The following TSPAN5 variants were observed in gnomAD, a reference collection of about 807,000 sequenced individuals.
TSPAN5 encodes tetraspanin 5.
Under a neutral mutation model 37.1 loss-of-function variants are expected in TSPAN5, and 10 were observed. The observed-to-expected ratio is 0.27, with a 90% CI of 0.17 to 0.46. The LOEUF (loss-of-function observed/expected upper bound fraction) is 0.46. Ranked by LOEUF, TSPAN5 falls within the 20% of genes least tolerant of loss-of-function variation. The pLI, the probability that TSPAN5 is intolerant of heterozygous loss-of-function variation, is 1.00. For synonymous variants in TSPAN5, 110 were observed against 118.9 expected, an observed-to-expected ratio of 0.93 and a Z score of 0.48; for missense variants, 195 against 326.6, an observed-to-expected ratio of 0.60 and a Z score of 3.11.
chr4:98,555,708 G>A (rs1417541478), intron 1 of TSPAN5, among the ~76,000 whole-genome samples: 2 of 152,122 alleles, frequency 1.3e-5, no homozygotes, highest in Admixed American at 6.5e-5. Flanking sequence ...ATAGAAATAA[G>A]TAAACAAGTA....
chr4:98,622,366 T>G (rs963629369), intron 1 of TSPAN5, among the ~76,000 whole-genome samples: 2 of 152,224 alleles, frequency 1.3e-5, no homozygotes, highest in South Asian at 2.1e-4. Flanking sequence ...CATAAACCAC[T>G]GCATCCAGCC....
In TSPAN5 at chr4:98,523,333, A is replaced by G. The variant is rs549276298; in HGVS notation, c.82-15605T>C. Among the ~76,000 whole-genome samples, 3 of 152,394 alleles carry G rather than the reference A, an allele frequency of 2.0e-5. No individual in the cohort carries two copies. The South Asian group carries it at 6.2e-4, about 32-fold the overall frequency. On this transcript the variant is annotated intron_variant, in intron 1 of 7. Transcript: ENST00000305798. Reference sequence around the variant, plus strand: ...GTTCTCTGAATAAAAGTGGCATGACATTAAAGTGAGTTGAAGATATAAAAG... The same window carrying G: ...GTTCTCTGAATAAAAGTGGCATGACGTTAAAGTGAGTTGAAGATATAAAAG...
intron 1 of TSPAN5, among the ~76,000 whole-genome samples, chr4:98,551,726 TC>T (rs1754623156): frequency 6.6e-6 from 1 of 150,446 alleles, no homozygotes; most frequent in African/African-American, 2.5e-5. Context: ...AGTCTCGATC[TC>T]CTGACCTCGT....
At chr4:98,607,328 A>G (rs938727273) in intron 1 of TSPAN5, among the ~76,000 whole-genome samples, 3 of 152,188 alleles carry the variant, frequency 2.0e-5, no homozygotes, top group Non-Finnish European at 4.4e-5. Context: ...AGCAATCACA[A>G]GAGAGGCATT....
intron 2 of TSPAN5, among the ~76,000 whole-genome samples, chr4:98,491,127 T>C (rs1441264530): frequency 1.3e-5 from 2 of 152,164 alleles, no homozygotes; most frequent in Admixed American, 6.5e-5. Flanking sequence ...ATATAAATAG[T>C]GGAATGACTA....
At chr4:98,518,631 A>G (rs1391707775) in intron 1 of TSPAN5, among the ~76,000 whole-genome samples, 1 of 152,232 alleles carries the variant, frequency 6.6e-6, no homozygotes, top group Non-Finnish European at 1.5e-5. Context: ...CTGAAACAGC[A>G]TCTCCCTTCA....
intron 1 of TSPAN5, among the ~76,000 whole-genome samples, chr4:98,558,465 G>A (rs769217658): frequency 1.1e-4 from 17 of 152,172 alleles, no homozygotes; most frequent in Admixed American, 3.9e-4. Flanking sequence ...AAGTTGCAGC[G>A]AAGGGAGGGT....
intron 1 of TSPAN5, among the ~76,000 whole-genome samples, chr4:98,549,746 CTTG>C (rs1344998054): frequency 6.6e-6 from 1 of 151,498 alleles, no homozygotes; most frequent in Admixed American, 6.6e-5. Flanking sequence ...GGGTTTTTTT[CTTG>C]TTAAGTTGTT....
intron 1 of TSPAN5, among the ~76,000 whole-genome samples, chr4:98,514,068 T>C (rs1309467268): frequency 6.6e-6 from 1 of 152,068 alleles, no homozygotes; most frequent in African/African-American, 2.4e-5. Flanking sequence ...AAAGATCAAG[T>C]CAATCTTCTT....
chr4:98,615,320 A>C (rs911215102), intron 1 of TSPAN5, among the ~76,000 whole-genome samples: 10 of 152,126 alleles, frequency 6.6e-5, no homozygotes, highest in Non-Finnish European at 1.2e-4. Flanking sequence ...GGACAATGAC[A>C]ATACAGTACT....
chr4:98,653,315 A>G (rs1757230399), intron 1 of TSPAN5, among the ~76,000 whole-genome samples: 1 of 151,434 alleles, frequency 6.6e-6, no homozygotes, highest in Admixed American at 6.6e-5. Context: ...AGCCCTGTGG[A>G]AGCAAATTAG....
chr4:98,561,933 C>T (rs1299644139), intron 1 of TSPAN5, among the ~76,000 whole-genome samples: 1 of 152,188 alleles, frequency 6.6e-6, no homozygotes, highest in Non-Finnish European at 1.5e-5. Flanking sequence ...GGAAGATTAG[C>T]TGTGGGCAGG....
intron 1 of TSPAN5, among the ~76,000 whole-genome samples, chr4:98,656,145 A>C (rs1004413630): frequency 6.6e-6 from 1 of 152,090 alleles, no homozygotes; most frequent in Admixed American, 6.5e-5. Flanking sequence ...CCAAGCAAGC[A>C]CTCTGCAATT....
rs1485597053 is a variant in TSPAN5, at chr4:98,470,799, G to A, written c.*1723C>T. The A allele has an allele frequency of 6.6e-6, 1 of 152,244 alleles. No homozygotes were observed. Among genetic ancestry groups the A allele is most frequent in the Admixed American group, 6.5e-5 (1 of 15,282 alleles). The allele number at this position is 152,244 out of a possible 1,614,324, so 9.4% of individuals were successfully genotyped here. On this transcript the variant is annotated 3_prime_UTR_variant, in exon 8 of 8. Transcript: ENST00000305798. ...ATAATTTCCTTTTTGTCCTTTCTCT[G>A]AGCAGACTGACACATTCATCGGCCA...
intron 1 of TSPAN5, among the ~76,000 whole-genome samples, chr4:98,592,439 T>G (rs1189852224): frequency 8.1e-5 from 12 of 148,990 alleles, no homozygotes; most frequent in East Asian, 5.8e-4. Context: ...TTTTTTTTTT[T>G]TTTTTTTTTA....
At chr4:98,531,797 G>GT (rs1279924930) in intron 1 of TSPAN5, among the ~76,000 whole-genome samples, 2 of 152,072 alleles carry the variant, frequency 1.3e-5, no homozygotes, top group East Asian at 3.9e-4. Context: ...GTTTTGATTT[G>GT]TGGTCTAATG....
chr4:98,571,011 C>CA (rs552957169), intron 1 of TSPAN5, among the ~76,000 whole-genome samples: 8,053 of 144,064 alleles, frequency 0.056, 510 homozygotes, highest in Admixed American at 0.14. Flanking sequence ...GACTCTATCT[C>CA]AAAAAAAAAA....
intron 1 of TSPAN5, among the ~76,000 whole-genome samples, chr4:98,626,591 C>A (rs1756607185): frequency 6.6e-6 from 1 of 152,018 alleles, no homozygotes; most frequent in African/African-American, 2.4e-5. Flanking sequence ...CACCCCTGGC[C>A]CACCTGGTGC....
chr4:98,529,729 C>T (rs1560524974), intron 1 of TSPAN5, among the ~76,000 whole-genome samples: 1 of 152,320 alleles, frequency 6.6e-6, no homozygotes, highest in East Asian at 1.9e-4. Flanking sequence ...CACTGCGTCT[C>T]AGAACTTGGG....
Sources: gnomAD v4.1 joint callset for allele counts (sites outside exome capture counted in the v4.1 genomes callset) on GRCh38, gnomAD v4.1.1 for gene constraint, MANE v1.5 for transcripts, NCBI Gene and HGNC (gene_info 2026-07-23, HGNC 2026-07-21) for gene names.